Variants in DAB2 observed in about 807,000 individuals in gnomAD.
The protein encoded by DAB2 is DAB adaptor protein 2, also known as disabled homolog 2.
In DAB2, 28 loss-of-function variants were observed where a neutral mutation model predicts 71.6. The ratio of observed to expected loss-of-function variants is 0.39; its 90% CI spans 0.29 to 0.54. The LOEUF (loss-of-function observed/expected upper bound fraction) is 0.54, where lower values mean the gene tolerates loss of function less well. Ranked by LOEUF, DAB2 falls within the 20% of genes least tolerant of loss-of-function variation. The pLI, the probability that DAB2 is intolerant of heterozygous loss-of-function variation, is 0.68. For synonymous variants in DAB2, 345 were observed against 339.7 expected, an observed-to-expected ratio of 1.02 and a Z score of -0.17; for missense variants, 867 against 928.8, an observed-to-expected ratio of 0.93 and a Z score of 0.86.
intron 10 of DAB2, among the ~76,000 whole-genome samples, chr5:39,382,240 G>A (rs1330176272): frequency 2.0e-5 from 3 of 152,186 alleles, no homozygotes; most frequent in Non-Finnish European, 4.4e-5. Context: ...TGATGGGTGT[G>A]CAGGGCATGT....
At chr5:39,412,162 T>C (rs1402610711) in intron 1 of DAB2, among the ~76,000 whole-genome samples, 1 of 152,152 alleles carries the variant, frequency 6.6e-6, no homozygotes, top group East Asian at 1.9e-4. Context: ...TAAGAGTATG[T>C]CATTTCCCTT....
chr5:39,381,991 T>G (rs1172320014), intron 10 of DAB2, among the ~76,000 whole-genome samples: 1 of 152,228 alleles, frequency 6.6e-6, no homozygotes, highest in East Asian at 1.9e-4. Flanking sequence ...TCCATTGGAT[T>G]TTAAGTCAGT....
In DAB2 at chr5:39,422,307, G is replaced by A. The variant is rs894256359; in HGVS notation, c.-102+2497C>T. ...TTTGGTTAGTTACCTAAACCTTCCT[G>A]GCCAGTAAGCTTTCGAATCTTTCCA... On this transcript the variant is annotated intron_variant, in intron 1 of 14. Transcript: ENST00000320816. This position sits in a 1 kb window ranked among gnomAD's most constrained non-coding sequence, Gnocchi z 4.1. 6.6e-6 allele frequency among the ~76,000 whole-genome samples: 1 copy of A among 152,084 alleles called. No individual in the cohort carries two copies. Among genetic ancestry groups the A allele is most frequent in the African/African-American group, 2.4e-5 (1 of 41,424 alleles).
chr5:39,379,144 TG>T (rs1754897000), intron 11 of DAB2, among the ~76,000 whole-genome samples: 1 of 152,158 alleles, frequency 6.6e-6, no homozygotes, highest in Admixed American at 6.5e-5. Context: ...TTAGTGAGAA[TG>T]GTATTTGTAA....
At chr5:39,388,889 C>T (rs1207916922) in intron 7 of DAB2, 37 bp from the exon 8 acceptor site, 2 of 1,561,888 alleles carry the variant, frequency 1.3e-6, no homozygotes, top group African/African-American at 2.7e-5. Context: ...TTTAGTTGAG[C>T]TTTGTCTATA....
intron 8 of DAB2, 103 bp from the exon 9 acceptor site, chr5:39,388,470 A>C (rs1474855741): frequency 3.5e-6 from 3 of 847,386 alleles, no homozygotes; most frequent in Non-Finnish European, 5.8e-6. Context: ...TAGCTGTCAC[A>C]ATTTAATTTC....
intron 11 of DAB2, 32 bp from the exon 12 acceptor site, chr5:39,377,314 G>A: frequency 6.3e-7 from 1 of 1,582,508 alleles, no homozygotes; most frequent in Non-Finnish European, 8.6e-7. Context: ...TACTTATCAG[G>A]AGTCAAGCTT....
intron 1 of DAB2, among the ~76,000 whole-genome samples, chr5:39,407,827 T>A (rs1254012358): frequency 6.6e-6 from 1 of 152,198 alleles, no homozygotes; most frequent in African/African-American, 2.4e-5. Flanking sequence ...TTTAGAAGCA[T>A]CTGTGCTATA....
At chr5:39,421,309 G>A (rs941401895) in intron 1 of DAB2, among the ~76,000 whole-genome samples, 2 of 152,076 alleles carry the variant, frequency 1.3e-5, no homozygotes, top group African/African-American at 4.8e-5. Flanking sequence ...GTTGTTCAGG[G>A]GGGAGTAATA....
At chr5:39,407,008 C>A (rs80170557) in intron 1 of DAB2, among the ~76,000 whole-genome samples, 2,244 of 152,218 alleles carry the variant, frequency 0.015, 44 homozygotes, top group African/African-American at 0.052. Context: ...ATGTATTATG[C>A]TTGATCCTGG....
intron 1 of DAB2, among the ~76,000 whole-genome samples, chr5:39,424,320 A>G (rs1039483204): frequency 2.0e-5 from 3 of 152,070 alleles, no homozygotes; most frequent in African/African-American, 4.8e-5. Flanking sequence ...TTTTAATGCC[A>G]TATGTTGTCA....
chr5:39,392,560 G>T, intron 3 of DAB2, 97 bp from the exon 4 acceptor site: 2 of 849,816 alleles, frequency 2.4e-6, no homozygotes, highest in South Asian at 3.0e-5. Context: ...CTTTGTTTTC[G>T]ACTTGATCTG....
intron 14 of DAB2, 93 bp downstream of exon 14, chr5:39,374,919 CTT>C: frequency 1.2e-6 from 1 of 808,300 alleles, no homozygotes; most frequent in Admixed American, 2.1e-5. Context: ...TATTTACCCT[CTT>C]CCCAATTCTA....
intron 1 of DAB2, among the ~76,000 whole-genome samples, chr5:39,410,311 A>T (rs769888815): frequency 1.3e-5 from 2 of 152,136 alleles, no homozygotes; most frequent in African/African-American, 4.8e-5. Context: ...ATCGTAGAAA[A>T]ATCTAGTTTT....
chr5:39,385,775 C>T (rs974734747), intron 9 of DAB2, among the ~76,000 whole-genome samples: 1 of 152,128 alleles, frequency 6.6e-6, no homozygotes, highest in Admixed American at 6.5e-5. Flanking sequence ...CTACTCAAAG[C>T]CTTAAGTGGC....
In DAB2 at chr5:39,382,611, A is replaced by G; in HGVS notation, c.1341+7T>C. 6.2e-7 allele frequency: 1 copy of G among 1,610,240 alleles called. No individual in the cohort carries two copies. Among genetic ancestry groups the G allele is most frequent in the South Asian group, 1.1e-5 (1 of 90,976 alleles). On this transcript the variant is annotated splice_region_variant and intron_variant, in intron 10 of 14. Transcript: ENST00000320816. ...CTGCTAATGGATATGTGGAGAAGACAATTCACCTTAGCAGTCCTTCTGCCT... is the reference window on the plus strand; with the variant it reads ...CTGCTAATGGATATGTGGAGAAGACGATTCACCTTAGCAGTCCTTCTGCCT...
intron 1 of DAB2, among the ~76,000 whole-genome samples, chr5:39,400,267 T>C (rs978698876): frequency 1.3e-5 from 2 of 151,860 alleles, no homozygotes; most frequent in African/African-American, 4.8e-5. Context: ...AGTTTCACTC[T>C]TGTTGCCCAG....
intron 1 of DAB2, among the ~76,000 whole-genome samples, chr5:39,416,633 T>C (rs1755852228): frequency 6.6e-6 from 1 of 152,144 alleles, no homozygotes; most frequent in Admixed American, 6.6e-5. Flanking sequence ...TTCACCTTCT[T>C]GAATTTCGTG....
chr5:39,399,008 A>G (rs2548568), intron 1 of DAB2, among the ~76,000 whole-genome samples: 33,983 of 151,972 alleles, frequency 0.22, 3,907 homozygotes, highest in Admixed American at 0.29. Flanking sequence ...TTGGGCCTAG[A>G]AAAGGGATCT....
Sources: allele counts gnomAD v4.1 joint callset (sites outside exome capture counted in the v4.1 genomes callset), GRCh38; gene constraint gnomAD v4.1.1; non-coding constraint Gnocchi (gnomAD v3.1); transcripts MANE v1.5; gene names NCBI Gene and HGNC (gene_info 2026-07-23, HGNC 2026-07-21).